DRC1: variants seen among roughly 807,000 people sequenced by gnomAD.
The protein encoded by DRC1 is dynein regulatory complex protein 1.
Under a neutral mutation model 98.7 loss-of-function variants are expected in DRC1, and 74 were observed. That is an observed-to-expected ratio of 0.75 (90% confidence interval 0.62 to 0.91). DRC1 has a LOEUF of 0.91. Ranked by LOEUF, DRC1 falls within the 40% of genes least tolerant of loss-of-function variation. DRC1 has a pLI of 0.00. For missense variants in DRC1, 875 were observed against 886.0 expected (o/e 0.99, Z 0.16); for synonymous variants, 336 against 334.1 (o/e 1.01, Z -0.06).
intron 1 of DRC1, among the ~76,000 whole-genome samples, chr2:26,410,177 A>T (rs1482946225): frequency 6.6e-6 from 1 of 150,912 alleles, no homozygotes; most frequent in Non-Finnish European, 1.5e-5. Context: ...GAAGGGTTGG[A>T]AAATAAAGAT....
At chr2:26,444,097 G>A (rs1284957031) in intron 8 of DRC1, 125 bp from the exon 9 acceptor site, 1 of 1,338,304 alleles carries the variant, frequency 7.5e-7, no homozygotes, top group East Asian at 2.3e-5. Flanking sequence ...GAATATATGG[G>A]AGGGTTTTCT....
At chr2:26,404,690 C>A (rs1287302080) in intron 1 of DRC1, among the ~76,000 whole-genome samples, 2 of 152,174 alleles carry the variant, frequency 1.3e-5, no homozygotes, top group East Asian at 3.8e-4. Flanking sequence ...TCAGAGATGT[C>A]CTTTTGGCCT....
In DRC1 at chr2:26,455,212, G is replaced by A. The variant is rs1287570557; in HGVS notation, c.2145G>A (p.Leu715=). 2 of 1,613,718 alleles carry A rather than the reference G, an allele frequency of 1.2e-6. No homozygotes were observed. The highest frequency in any genetic ancestry group is 1.7e-6 in the Non-Finnish European group (2 of 1,180,002). The part of the protein sequence containing the change: ...EQQNTELQAL[L]QQYLNSKINS... ...AGAACACAGAGCTGCAGGCGCTACT[G>A]CAGCAGTATCTGAACTCCAAGGTGG... The change falls in exon 16 of 17, where the codon CTG becomes CTA. Residue 715 remains leucine, a synonymous_variant. Coordinates refer to ENST00000288710, the MANE Select transcript of DRC1 (RefSeq NM_145038.5).
intron 10 of DRC1, among the ~76,000 whole-genome samples, chr2:26,445,635 A>G (rs992731142): frequency 2.6e-4 from 40 of 151,950 alleles, no homozygotes; most frequent in Admixed American, 3.3e-4. Context: ...GGTCCTTTTG[A>G]TTCAGCCCTA....
rs574867834 is a variant in DRC1, at chr2:26,448,167, G to A, written c.1397-524G>A. ...TTGAACCCAGGAGGCGGAGGTTGCAGTGAGCTGAGATCACACCACTGCACT... is the reference window on the plus strand; with the variant it reads ...TTGAACCCAGGAGGCGGAGGTTGCAATGAGCTGAGATCACACCACTGCACT... On this transcript the variant is annotated intron_variant, in intron 10 of 16. Coordinates refer to ENST00000288710, the MANE Select transcript of DRC1 (RefSeq NM_145038.5). 8.7e-4 allele frequency: 243 copies of A among 277,848 alleles called. 3 individuals carry two copies. The highest frequency in any genetic ancestry group is 8.5e-3 in the South Asian group (241 of 28,292). 17.2% of individuals were successfully genotyped at this position (277,848 alleles called of 1,614,324 possible).
intron 2 of DRC1, among the ~76,000 whole-genome samples, chr2:26,416,081 A>G (rs1678793063): frequency 6.6e-6 from 1 of 152,154 alleles, no homozygotes; most frequent in African/African-American, 2.4e-5. Flanking sequence ...TATTGTTTTC[A>G]TTAGCAGGTT....
chr2:26,446,335 G>A (rs190791744), intron 10 of DRC1, among the ~76,000 whole-genome samples: 2 of 152,118 alleles, frequency 1.3e-5, no homozygotes, highest in Admixed American at 1.3e-4. Context: ...GGGCTCAAGC[G>A]ATTCCTTCCC....
Position 26,446,221 on chromosome 2 carries a change from C to T in DRC1, c.1396+1273C>T, listed in dbSNP as rs897455885. Among the ~76,000 whole-genome samples the T allele has an allele frequency of 4.6e-5, 7 of 151,888 alleles. No homozygotes were observed. In the East Asian group the frequency reaches 1.4e-3, roughly 29 times the overall value. On this transcript the variant is annotated intron_variant, in intron 10 of 16. Coordinates refer to ENST00000288710, the MANE Select transcript of DRC1 (RefSeq NM_145038.5). The stretch of plus-strand genomic sequence containing the variant: ...CAGCAATCCTCCCACCTCTGCCTCC[C>T]GAGTAGCTGGGACCAAAGACTCATG...
rs564893414 is a variant in DRC1 at position 26,414,524 on chromosome 2, C to T, written c.243+93C>T. Reference sequence around the variant, plus strand: ...TTTAGACTGGAAGAAATCATGTGGTCCATGTTGCTGTCTCTAGGCAGAACT... The same window carrying T: ...TTTAGACTGGAAGAAATCATGTGGTTCATGTTGCTGTCTCTAGGCAGAACT... On this transcript the variant is annotated intron_variant, in intron 2 of 16. Coordinates refer to ENST00000288710, the MANE Select transcript of DRC1 (RefSeq NM_145038.5). 71 of 1,200,576 alleles carry T rather than the reference C, an allele frequency of 5.9e-5. No homozygotes were observed. The Middle Eastern group carries it at 1.2e-3, about 20-fold the overall frequency. 74.4% of individuals were successfully genotyped at this position (1,200,576 alleles called of 1,614,324 possible). A position where few individuals can be genotyped will look rare whatever the true frequency, so the allele number is the denominator to read the frequency against.
chr2:26,423,907 A>G (rs1202292102), intron 3 of DRC1, among the ~76,000 whole-genome samples: 4 of 152,216 alleles, frequency 2.6e-5, no homozygotes, highest in Non-Finnish European at 5.9e-5. Flanking sequence ...CAGGACTTGA[A>G]CATAAGCTCT....
chr2:26,426,051 G>A (rs1402513304), intron 4 of DRC1, among the ~76,000 whole-genome samples: 3 of 152,014 alleles, frequency 2.0e-5, no homozygotes, highest in Non-Finnish European at 4.4e-5. Context: ...GTCTTTAATC[G>A]ATTTTGAGTT....
At position 26,421,301 on chromosome 2, in the gene DRC1, T is replaced by C; in HGVS notation, c.257T>C (p.Leu86Pro). ...CTCTCTTTTTAGAAATTGGCTAAACTTCTGCTCTGTGGCACCGAGTTGGTG... is the reference window on the plus strand; with the variant it reads ...CTCTCTTTTTAGAAATTGGCTAAACCTCTGCTCTGTGGCACCGAGTTGGTG... ...KEESRLKLAKLLLCGTELVTN... is the reference protein window; with the variant it reads ...KEESRLKLAKPLLCGTELVTN... Residue 86 changes from leucine (L) to proline (P), a missense_variant, in exon 3 of 17, where the codon CTT (leucine) becomes CCT (proline). Transcript: ENST00000288710. 1 of 1,613,494 alleles carries C rather than the reference T, an allele frequency of 6.2e-7. No homozygotes were observed. The highest frequency in any genetic ancestry group is 8.5e-7 in the Non-Finnish European group (1 of 1,179,630).
intron 7 of DRC1, 56 bp downstream of exon 7, chr2:26,432,062 C>T (rs1414495064): frequency 6.3e-7 from 1 of 1,577,748 alleles, no homozygotes; most frequent in Non-Finnish European, 8.6e-7. Flanking sequence ...TGGTGAACAC[C>T]TGTGAATGTT....
chr2:26,456,684 G>T lies in DRC1; in HGVS notation c.*167G>T. On this transcript the variant is annotated 3_prime_UTR_variant, in exon 17 of 17. Transcript: ENST00000288710. The stretch of plus-strand genomic sequence containing the variant: ...GAGCCAGAGGAGTTACCTGTGTCCT[G>T]CATTATGATTAAAGCCTTTTAAAGT... The T allele has an allele frequency of 1.4e-6, 1 of 711,754 alleles. No individual in the cohort carries two copies. The allele number at this position is 711,754 out of a possible 1,614,324, so 44.1% of individuals were successfully genotyped here. A position where few individuals can be genotyped will look rare whatever the true frequency, so the allele number is the denominator to read the frequency against.
chr2:26,414,942 C>T (rs76409845), intron 2 of DRC1, among the ~76,000 whole-genome samples: 2,109 of 152,266 alleles, frequency 0.014, 45 homozygotes, highest in African/African-American at 0.041. Flanking sequence ...AAATCCTCCT[C>T]GGATTCTTCC....
chr2:26,424,632 A>C (rs1365236931), intron 4 of DRC1, among the ~76,000 whole-genome samples, 178 bp downstream of exon 4: 2 of 152,306 alleles, frequency 1.3e-5, no homozygotes, highest in East Asian at 3.9e-4. Flanking sequence ...ATAGCATTAA[A>C]TTTGCCATCA....
chr2:26,456,358 G>A, intron 16 of DRC1, 103 bp from the exon 17 acceptor site: 1 of 1,422,296 alleles, frequency 7.0e-7, no homozygotes, highest in Non-Finnish European at 9.8e-7. Context: ...GGAGATGCGT[G>A]CAGGGCTTTG....
chr2:26,439,917 GTGTGAATATATATATATATACACACACA>G (rs1474501002), intron 7 of DRC1, among the ~76,000 whole-genome samples: 4 of 15,902 alleles, frequency 2.5e-4, no homozygotes, highest in African/African-American at 7.0e-4. Context: ...GCCAACTAGT[GTGTGAATATATATATATATACACACACA>G]CATACACACA....
At chr2:26,418,581 T>A (rs1344438803) in intron 2 of DRC1, among the ~76,000 whole-genome samples, 1 of 105,606 alleles carries the variant, frequency 9.5e-6, no homozygotes, top group Non-Finnish European at 1.7e-5. Context: ...ATATTATATA[T>A]AAATTATATA....
Sources: allele counts gnomAD v4.1 joint callset (sites outside exome capture counted in the v4.1 genomes callset), GRCh38; gene constraint gnomAD v4.1.1; transcripts MANE v1.5; gene names NCBI Gene and HGNC (gene_info 2026-07-23, HGNC 2026-07-21).